Variants in USP45 observed in about 807,000 individuals in gnomAD.
USP45 encodes the protein ubiquitin carboxyl-terminal hydrolase 45.
Under a neutral mutation model 95.8 loss-of-function variants are expected in USP45, and 89 were observed. The ratio of observed to expected loss-of-function variants is 0.93; its 90% CI spans 0.78 to 1.11. The LOEUF (loss-of-function observed/expected upper bound fraction) is 1.11. Among genes scored for constraint, USP45 ranks in the 50% least tolerant of loss-of-function variants. The pLI is 0.00. For missense variants in USP45, 898 were observed against 942.5 expected, an observed-to-expected ratio of 0.95 and a Z score of 0.62; for synonymous variants, 281 against 316.2, an observed-to-expected ratio of 0.89 and a Z score of 1.18.
rs764051923 is a variant in USP45 at position 99,439,722 on chromosome 6, C to T, written c.2160+47G>A. 14 of 1,333,066 alleles carry T rather than the reference C, an allele frequency of 1.1e-5. No individual in the cohort carries two copies. In the African/African-American group the frequency reaches 2.0e-4, roughly 19 times the overall value. 82.6% of individuals were successfully genotyped at this position (1,333,066 alleles called of 1,614,324 possible). A position where few individuals can be genotyped will look rare whatever the true frequency, so the allele number is the denominator to read the frequency against. On this transcript the variant is annotated intron_variant, in intron 16 of 17. Transcript: ENST00000500704. The stretch of plus-strand genomic sequence containing the variant: ...TGTCTAATAATATATAGGATACTTT[C>T]AAGCATATTAATTTATAAATCAATT...
In USP45 at chr6:99,446,086, A is replaced by G. The variant is rs1390024207; in HGVS notation, c.1686T>C (p.Leu562=). The change falls in exon 14 of 18, where the codon CTT becomes CTC. Residue 562 remains leucine, a synonymous_variant. Transcript: ENST00000500704. ...CTCCAGTTACAGTGCTGCTCAAACGAAGTTCAGAAATAGCTTCTGCCATTT... is the reference window on the plus strand; with the variant it reads ...CTCCAGTTACAGTGCTGCTCAAACGGAGTTCAGAAATAGCTTCTGCCATTT... The part of the protein sequence containing the change: ...DKEMAEAISE[L]RLSSTVTGDQ... The G allele has an allele frequency of 6.2e-7, 1 of 1,614,080 alleles. No individual in the cohort carries two copies. Among genetic ancestry groups the G allele is most frequent in the South Asian group, 1.1e-5 (1 of 91,082 alleles).
intron 13 of USP45, among the ~76,000 whole-genome samples, chr6:99,451,144 T>C (rs761955321): frequency 1.5e-4 from 23 of 152,190 alleles, no homozygotes; most frequent in Non-Finnish European, 2.5e-4. Flanking sequence ...ATGCCCTCTC[T>C]CACCACTCCT....
chr6:99,446,349 G>C lies in USP45; in HGVS notation c.1423C>G (p.Leu475Val). The C allele has an allele frequency of 6.2e-7, 1 of 1,614,150 alleles. No homozygotes were observed. Among genetic ancestry groups the C allele is most frequent in the Non-Finnish European group, 8.5e-7 (1 of 1,180,020 alleles). Residue 475 changes from leucine (L) to valine (V), a missense_variant, in exon 14 of 18, where the codon CTC (leucine) becomes GTC (valine). By Grantham distance (32) the Leu-to-Val change is conservative. Transcript: ENST00000500704. Reference protein sequence around the residue: ...MNGDSLMFASLMNSESRLNES... With the variant: ...MNGDSLMFASVMNSESRLNES... ...TTCAGACGTGACTCAGAATTCATGAGGCTGGCAAACATTAAAGAATCCCCA... is the reference window on the plus strand; with the variant it reads ...TTCAGACGTGACTCAGAATTCATGACGCTGGCAAACATTAAAGAATCCCCA...
intron 8 of USP45, among the ~76,000 whole-genome samples, chr6:99,480,095 C>T (rs1279654923): frequency 6.6e-6 from 1 of 152,056 alleles, no homozygotes; most frequent in Non-Finnish European, 1.5e-5. Flanking sequence ...AACTGTATTT[C>T]TGTATATTAA....
At chr6:99,475,928 A>G (rs1004307080) in intron 9 of USP45, among the ~76,000 whole-genome samples, 1 of 152,056 alleles carries the variant, frequency 6.6e-6, no homozygotes, top group Non-Finnish European at 1.5e-5. Flanking sequence ...GGGTTCAAGC[A>G]ATTCTCATGT....
intron 13 of USP45, among the ~76,000 whole-genome samples, chr6:99,448,445 T>C (rs570907604): frequency 7.2e-5 from 11 of 152,170 alleles, no homozygotes; most frequent in Non-Finnish European, 1.2e-4. Context: ...ATATCAGTGA[T>C]TGAAGATCAA....
intron 16 of USP45, 26 bp from the exon 17 acceptor site, chr6:99,437,425 A>G (rs1289870560): frequency 1.3e-6 from 2 of 1,562,692 alleles, no homozygotes; most frequent in Non-Finnish European, 1.7e-6. Context: ...AAAAACCCAA[A>G]TTAGTAATAT....
At chr6:99,490,687 A>G (rs966116931) in intron 5 of USP45, among the ~76,000 whole-genome samples, 2 of 152,186 alleles carry the variant, frequency 1.3e-5, no homozygotes, top group Non-Finnish European at 2.9e-5. Flanking sequence ...AATCTGCAAG[A>G]TTAAACAGCA....
At chr6:99,451,113 G>A (rs1783752662) in intron 13 of USP45, among the ~76,000 whole-genome samples, 1 of 152,164 alleles carries the variant, frequency 6.6e-6, no homozygotes, top group Non-Finnish European at 1.5e-5. Flanking sequence ...CATTCCCTTT[G>A]AAAACTGGCA....
intron 13 of USP45, among the ~76,000 whole-genome samples, chr6:99,453,775 A>T (rs567736921): frequency 6.6e-6 from 1 of 152,146 alleles, no homozygotes; most frequent in East Asian, 1.9e-4. Flanking sequence ...TCTGGCCAGC[A>T]CGGTGAAACC....
At chr6:99,501,300 A>T (rs1009168724) in intron 5 of USP45, among the ~76,000 whole-genome samples, 4 of 152,036 alleles carry the variant, frequency 2.6e-5, no homozygotes, top group Non-Finnish European at 5.9e-5. Flanking sequence ...TTAAAAAAAT[A>T]TGAAATTACC....
At chr6:99,449,461 G>T (rs994443324) in intron 13 of USP45, among the ~76,000 whole-genome samples, 4 of 152,144 alleles carry the variant, frequency 2.6e-5, no homozygotes, top group Non-Finnish European at 5.9e-5. Context: ...TCAACAAGAA[G>T]AGCTAACTAT....
chr6:99,510,074 G>A, intron 2 of USP45, 47 bp downstream of exon 2: 1 of 1,421,168 alleles, frequency 7.0e-7, no homozygotes, highest in East Asian at 2.3e-5. Flanking sequence ...CAACTGCATT[G>A]TTATTTCTTC....
intron 8 of USP45, among the ~76,000 whole-genome samples, chr6:99,479,020 A>AG (rs1398386196): frequency 6.6e-6 from 1 of 151,914 alleles, no homozygotes; most frequent in South Asian, 2.1e-4. Flanking sequence ...AACAAAAAAA[A>AG]AAACAGGTAA....
chr6:99,502,554 T>TA (rs1797615959), intron 5 of USP45, among the ~76,000 whole-genome samples: 1 of 152,162 alleles, frequency 6.6e-6, no homozygotes, highest in African/African-American at 2.4e-5. Flanking sequence ...TCCCAGTAGT[T>TA]AGTGTCAGAA....
In USP45 at chr6:99,433,241, T is replaced by C. The variant is rs1186895040; in HGVS notation, c.*2475A>G. The C allele has an allele frequency of 1.3e-5, 2 of 152,666 alleles. No homozygotes were observed. The highest frequency in any genetic ancestry group is 2.9e-5 in the Non-Finnish European group (2 of 68,048). The allele number at this position is 152,666 out of a possible 1,614,324, so 9.5% of individuals were successfully genotyped here. On this transcript the variant is annotated 3_prime_UTR_variant, in exon 18 of 18. Transcript: ENST00000500704. ...TGACAATATTGGCACATAATCAATATTTTATCATTTTATATTTGGAAAAAA... is the reference window on the plus strand; with the variant it reads ...TGACAATATTGGCACATAATCAATACTTTATCATTTTATATTTGGAAAAAA...
Position 99,507,514 on chromosome 6 carries a change from T to A in USP45, c.291A>T (p.Ser97=). The change falls in exon 4 of 18, where the codon TCA becomes TCT. Residue 97 remains serine, a synonymous_variant. Coordinates refer to ENST00000500704, the MANE Select transcript of USP45 (RefSeq NM_001346022.3). ...AGTGCTTCAATGAATGTTGGCTTTC[T>A]GAGTTTTTACCACATCCCTGAAGAT... ...KCGFQGCGKN[S]ESQHSLKHFK... is the part of the protein sequence containing the mutation. 6.2e-7 allele frequency: 1 copy of A among 1,611,846 alleles called. No individual in the cohort carries two copies. Among genetic ancestry groups the A allele is most frequent in the Non-Finnish European group, 8.5e-7 (1 of 1,178,554 alleles).
At chr6:99,482,904 C>T in intron 7 of USP45, 21 bp from the exon 8 acceptor site, 1 of 1,462,718 alleles carries the variant, frequency 6.8e-7, no homozygotes, top group Non-Finnish European at 9.1e-7. Flanking sequence ...ATGATCAACT[C>T]TATGTCAGAA....
At chr6:99,480,403 C>T (rs1001645406) in intron 8 of USP45, among the ~76,000 whole-genome samples, 1 of 152,136 alleles carries the variant, frequency 6.6e-6, no homozygotes, top group Non-Finnish European at 1.5e-5. Flanking sequence ...CGGCCAGGCG[C>T]AGTGGCTCAC....
Sources: allele counts gnomAD v4.1 joint callset (sites outside exome capture counted in the v4.1 genomes callset), GRCh38; gene constraint gnomAD v4.1.1; transcripts MANE v1.5; gene names NCBI Gene and HGNC (gene_info 2026-07-23, HGNC 2026-07-21).